CHST9: variants seen among roughly 807,000 people sequenced by gnomAD.
The protein encoded by CHST9 is carbohydrate sulfotransferase 9.
CHST9 carries 41 observed loss-of-function variants against 44.4 expected under a neutral mutation model. The ratio of observed to expected loss-of-function variants is 0.92; its 90% CI spans 0.72 to 1.20. The LOEUF is 1.20. Ranked by LOEUF, CHST9 falls within the 50% of genes most tolerant of loss-of-function variation. CHST9 has a pLI of 0.00. For synonymous variants in CHST9, 171 were observed against 178.4 expected, an observed-to-expected ratio of 0.96 and a Z score of 0.33; for missense variants, 504 against 516.5, an observed-to-expected ratio of 0.98 and a Z score of 0.23.
At chr18:27,167,224 C>T (rs1027245794) in intron 1 of CHST9, among the ~76,000 whole-genome samples, 5 of 152,140 alleles carry the variant, frequency 3.3e-5, no homozygotes, top group Admixed American at 3.3e-4. Context: ...GCCAGAGTGG[C>T]TTATTTTAAA....
chr18:27,033,843 T>G (rs1192305389), intron 3 of CHST9, among the ~76,000 whole-genome samples: 3 of 152,178 alleles, frequency 2.0e-5, no homozygotes, highest in Non-Finnish European at 4.4e-5. Context: ...TATGAAGTCC[T>G]CCTCTTCCCT....
chr18:26,983,290 C>A (rs1198430826), intron 4 of CHST9, among the ~76,000 whole-genome samples: 1 of 152,216 alleles, frequency 6.6e-6, no homozygotes, highest in African/African-American at 2.4e-5. Flanking sequence ...CCCACCAAAT[C>A]TCATGTTAAA....
intron 2 of CHST9, among the ~76,000 whole-genome samples, chr18:27,139,576 T>C (rs2058547730): frequency 6.6e-6 from 1 of 152,076 alleles, no homozygotes; most frequent in Non-Finnish European, 1.5e-5. Flanking sequence ...ACTAACCTAG[T>C]ATAAGGCAGA....
At chr18:27,136,222 T>C (rs1052399793) in intron 2 of CHST9, among the ~76,000 whole-genome samples, 1 of 152,172 alleles carries the variant, frequency 6.6e-6, no homozygotes, top group African/African-American at 2.4e-5. Context: ...GGAGATACCA[T>C]AGTTTATCCA....
chr18:27,138,078 C>T (rs1289059541), intron 2 of CHST9, among the ~76,000 whole-genome samples: 1 of 152,174 alleles, frequency 6.6e-6, no homozygotes, highest in Non-Finnish European at 1.5e-5. Context: ...GACTGTGCTG[C>T]TTCTCCTGCC....
intron 3 of CHST9, among the ~76,000 whole-genome samples, chr18:27,032,401 G>C (rs543554008): frequency 7.9e-5 from 12 of 152,252 alleles, no homozygotes; most frequent in African/African-American, 2.9e-4. Context: ...TCATAGATCA[G>C]AAAAAGAGTA....
chr18:26,975,721 G>GTA (rs1414100882), intron 4 of CHST9, among the ~76,000 whole-genome samples: 2 of 77,000 alleles, frequency 2.6e-5, no homozygotes, highest in Non-Finnish European at 5.0e-5. Context: ...GTGTGTGTGT[G>GTA]TGTGTATATA....
chr18:27,078,355 A>G (rs1246509218), intron 2 of CHST9, among the ~76,000 whole-genome samples: 5 of 152,116 alleles, frequency 3.3e-5, no homozygotes, highest in Non-Finnish European at 7.4e-5. Context: ...TTCACATTGA[A>G]ATGTATAGTC....
chr18:27,125,463 C>G (rs1013315176), intron 2 of CHST9, among the ~76,000 whole-genome samples: 6 of 152,294 alleles, frequency 3.9e-5, no homozygotes, highest in African/African-American at 1.2e-4. Flanking sequence ...GGGCTCAGAA[C>G]ACAGCCCCAG....
At chr18:27,122,046 CTAACAACCCAGAGGAG>C (rs1191163697) in intron 2 of CHST9, among the ~76,000 whole-genome samples, 1 of 152,138 alleles carries the variant, frequency 6.6e-6, no homozygotes, top group Non-Finnish European at 1.5e-5. Flanking sequence ...CTGTCTCTCT[CTAACAACCCAGAGGAG>C]TAAAAGCAGG....
At chr18:27,058,107 A>G (rs946587527) in intron 2 of CHST9, among the ~76,000 whole-genome samples, 1 of 152,208 alleles carries the variant, frequency 6.6e-6, no homozygotes, top group African/African-American at 2.4e-5. Flanking sequence ...AATAGTAAAT[A>G]CCTAATTATT....
At chr18:27,178,089 G>A (rs1598782720) in intron 1 of CHST9, among the ~76,000 whole-genome samples, 1 of 151,970 alleles carries the variant, frequency 6.6e-6, no homozygotes, top group East Asian at 1.9e-4. Context: ...TGAATGTTGG[G>A]CCATTCAACA....
chr18:26,972,092 C>T (rs1275085918), intron 4 of CHST9, among the ~76,000 whole-genome samples: 1 of 151,992 alleles, frequency 6.6e-6, no homozygotes, highest in Non-Finnish European at 1.5e-5. Flanking sequence ...CGCCGTGGCT[C>T]ACGTCTGCAA....
intron 2 of CHST9, among the ~76,000 whole-genome samples, chr18:27,055,209 A>G (rs1012018540): frequency 4.6e-5 from 7 of 152,164 alleles, no homozygotes; most frequent in Non-Finnish European, 7.4e-5. Context: ...GACAATGAAA[A>G]TTACTGTGCA....
chr18:27,043,711 C>T (rs2057469816), intron 3 of CHST9, among the ~76,000 whole-genome samples: 3 of 151,978 alleles, frequency 2.0e-5, no homozygotes, highest in South Asian at 2.1e-4. Flanking sequence ...TCCATACTTC[C>T]GCTGAGGTTT....
chr18:26,944,959 G>A (rs969164577), intron 4 of CHST9, among the ~76,000 whole-genome samples: 5 of 152,038 alleles, frequency 3.3e-5, no homozygotes, highest in African/African-American at 4.8e-5. Context: ...AGGCAACCAA[G>A]GGACATAAAA....
At chr18:27,143,676 T>C (rs2058587559) in intron 1 of CHST9, among the ~76,000 whole-genome samples, 1 of 152,136 alleles carries the variant, frequency 6.6e-6, no homozygotes, top group South Asian at 2.1e-4. Flanking sequence ...TACAAAATCT[T>C]ACATAAAATG....
rs528673727 is a variant in CHST9, at chr18:26,907,849, G to T, written c.*8410C>A. 6.8e-5 allele frequency: 12 copies of T among 175,446 alleles called. No individual in the cohort carries two copies. In the East Asian group the frequency reaches 1.8e-3, roughly 26 times the overall value. 10.9% of individuals were successfully genotyped at this position (175,446 alleles called of 1,614,324 possible). On this transcript the variant is annotated 3_prime_UTR_variant, in exon 6 of 6. Coordinates refer to ENST00000618847, the MANE Select transcript of CHST9 (RefSeq NM_031422.6). The stretch of plus-strand genomic sequence containing the variant: ...CTTGAAAAGAAAAAAATTCTGGTAC[G>T]TCCTTCAATATGGATGAACCTTGAG...
intron 2 of CHST9, among the ~76,000 whole-genome samples, chr18:27,121,709 A>G (rs2058376029): frequency 6.6e-6 from 1 of 152,212 alleles, no homozygotes; most frequent in Non-Finnish European, 1.5e-5. Flanking sequence ...GGAGGAAAGT[A>G]GAGTCAAGAG....
Sources: allele counts gnomAD v4.1 joint callset (sites outside exome capture counted in the v4.1 genomes callset), GRCh38; gene constraint gnomAD v4.1.1; transcripts MANE v1.5; gene names NCBI Gene and HGNC (gene_info 2026-07-23, HGNC 2026-07-21).